The following GPC5 variants were observed in gnomAD, a reference collection of about 807,000 sequenced individuals.
GPC5 encodes the protein glypican-5.
A neutral mutation model predicts 53.9 loss-of-function variants in GPC5; 47 were observed. That is an observed-to-expected ratio of 0.87 (90% CI 0.69 to 1.11). The LOEUF is 1.11. Among genes scored for constraint, GPC5 ranks in the 50% most tolerant of loss-of-function variants. The pLI is 0.00. For synonymous variants in GPC5, 286 were observed against 263.3 expected, an observed-to-expected ratio of 1.09 and a Z score of -0.84; for missense variants, 748 against 713.1, an observed-to-expected ratio of 1.05 and a Z score of -0.56.
intron 5 of GPC5, among the ~76,000 whole-genome samples, chr13:91,891,634 T>A (rs150229607): frequency 6.6e-6 from 1 of 152,274 alleles, no homozygotes; most frequent in African/African-American, 2.4e-5. Context: ...TGCTATACAC[T>A]ACCAAAAGCT....
intron 5 of GPC5, among the ~76,000 whole-genome samples, chr13:91,767,556 A>G (rs557055108): frequency 1.4e-4 from 21 of 152,328 alleles, no homozygotes; most frequent in African/African-American, 4.8e-4. Flanking sequence ...GGCAATTTCA[A>G]CGCTGCTACA....
chr13:92,016,371 G>T (rs920460626), intron 6 of GPC5, among the ~76,000 whole-genome samples: 3 of 152,096 alleles, frequency 2.0e-5, no homozygotes, highest in Non-Finnish European at 4.4e-5. Context: ...GAAGCTTTTC[G>T]GAATGAATCA....
chr13:92,480,711 C>T (rs1879315450), intron 7 of GPC5, among the ~76,000 whole-genome samples: 1 of 151,894 alleles, frequency 6.6e-6, no homozygotes, highest in African/African-American at 2.4e-5. Flanking sequence ...ACTCCCAAGT[C>T]CTCACTCCCA....
At chr13:92,082,952 T>C (rs2041308257) in intron 6 of GPC5, among the ~76,000 whole-genome samples, 1 of 152,200 alleles carries the variant, frequency 6.6e-6, no homozygotes. Flanking sequence ...GAAATATATT[T>C]TTCATACGTA....
chr13:91,654,563 G>A (rs1183277107), intron 2 of GPC5, among the ~76,000 whole-genome samples: 1 of 152,090 alleles, frequency 6.6e-6, no homozygotes, highest in South Asian at 2.1e-4. Flanking sequence ...CATACACGAT[G>A]TCAGGAAGGA....
intron 6 of GPC5, among the ~76,000 whole-genome samples, chr13:91,958,693 T>C (rs1342661006): frequency 1.3e-5 from 2 of 151,758 alleles, no homozygotes; most frequent in African/African-American, 2.4e-5. Flanking sequence ...CACAACATAA[T>C]GAAATAACAT....
At chr13:92,208,034 T>G (rs1225982496) in intron 7 of GPC5, among the ~76,000 whole-genome samples, 2 of 152,162 alleles carry the variant, frequency 1.3e-5, no homozygotes, top group Non-Finnish European at 2.9e-5. Context: ...GACAGCAGTT[T>G]GTATTGACAT....
chr13:92,855,147 C>G lies in GPC5; in HGVS notation c.1562-11135C>G, dbSNP rs567113297. Among the ~76,000 whole-genome samples the G allele has an allele frequency of 3.9e-5, 6 of 152,096 alleles. No homozygotes were observed. The South Asian group carries it at 1.2e-3, about 32-fold the overall frequency. The stretch of plus-strand genomic sequence containing the variant: ...ACTCTACTGGTTCCAAACACAACTC[C>G]TATCAAACTGTAGATATGATCACTA... On this transcript the variant is annotated intron_variant, in intron 7 of 7. Coordinates refer to ENST00000377067, the MANE Select transcript of GPC5 (RefSeq NM_004466.6).
intron 4 of GPC5, among the ~76,000 whole-genome samples, chr13:91,734,024 G>GT: frequency 6.6e-6 from 1 of 152,270 alleles, no homozygotes; most frequent in East Asian, 1.9e-4. Flanking sequence ...TTTATTGAGA[G>GT]TTTTTAACAT....
chr13:91,957,384 GA>G (rs2040083412), intron 6 of GPC5, among the ~76,000 whole-genome samples: 1 of 152,076 alleles, frequency 6.6e-6, no homozygotes, highest in Admixed American at 6.6e-5. Context: ...AAGACAAAGG[GA>G]AAGGAATAGA....
rs80031680 is a variant in GPC5, at chr13:92,077,563, A to G, written c.1402-67267A>G. Among the ~76,000 whole-genome samples the G allele has an allele frequency of 9.2e-5, 14 of 152,238 alleles. No homozygotes were observed. In the East Asian group the frequency reaches 2.3e-3, roughly 25 times the overall value. ...TCTCCATAATAAAAAGAGTTCCTGA[A>G]TGGCAGATGAAGGTATCCAGTCATA... On this transcript the variant is annotated intron_variant, in intron 6 of 7. Coordinates refer to ENST00000377067, the MANE Select transcript of GPC5 (RefSeq NM_004466.6).
intron 7 of GPC5, among the ~76,000 whole-genome samples, chr13:92,417,497 C>T (rs1876364487): frequency 1.3e-5 from 2 of 152,104 alleles, no homozygotes; most frequent in South Asian, 4.1e-4. Flanking sequence ...GGTATATATG[C>T]CTCAAAAATT....
chr13:92,709,236 T>TTTAG (rs1888055608), intron 7 of GPC5, among the ~76,000 whole-genome samples: 1 of 151,326 alleles, frequency 6.6e-6, no homozygotes, highest in Non-Finnish European at 1.5e-5. Flanking sequence ...TTTTTGGATT[T>TTTAG]TTAGTAGAGA....
chr13:92,794,189 T>A (rs965954071), intron 7 of GPC5, among the ~76,000 whole-genome samples: 2 of 152,094 alleles, frequency 1.3e-5, no homozygotes, highest in Non-Finnish European at 2.9e-5. Flanking sequence ...ATCCACTTTA[T>A]CAAGTCGGTT....
intron 7 of GPC5, among the ~76,000 whole-genome samples, chr13:92,357,005 A>G (rs1251572714): frequency 6.8e-6 from 1 of 148,072 alleles, no homozygotes; most frequent in African/African-American, 2.7e-5. Context: ...GTTATGGATG[A>G]TGGCCTTCAA....
At chr13:91,538,658 T>C (rs1261265821) in intron 2 of GPC5, among the ~76,000 whole-genome samples, 2 of 150,266 alleles carry the variant, frequency 1.3e-5, no homozygotes, top group Non-Finnish European at 3.0e-5. Context: ...TCTTGGCTCA[T>C]TGCAAGCTCC....
intron 7 of GPC5, among the ~76,000 whole-genome samples, chr13:92,349,662 G>T (rs188673239): frequency 1.6e-4 from 24 of 151,826 alleles, no homozygotes; most frequent in Non-Finnish European, 3.2e-4. Flanking sequence ...ATACTCCTAG[G>T]CATATACAAC....
chr13:92,685,433 G>C (rs1887233111), intron 7 of GPC5, among the ~76,000 whole-genome samples: 1 of 151,372 alleles, frequency 6.6e-6, no homozygotes. Flanking sequence ...AACTTCACCT[G>C]TTACCACATT....
intron 5 of GPC5, among the ~76,000 whole-genome samples, chr13:91,889,567 T>C (rs890553712): frequency 2.6e-5 from 4 of 152,168 alleles, no homozygotes; most frequent in Non-Finnish European, 5.9e-5. Flanking sequence ...AAATTACACA[T>C]TCATGGGATT....
Sources: allele counts gnomAD v4.1 joint callset (sites outside exome capture counted in the v4.1 genomes callset), GRCh38; gene constraint gnomAD v4.1.1; transcripts MANE v1.5; gene names NCBI Gene and HGNC (gene_info 2026-07-23, HGNC 2026-07-21).